TMPRSS15: variants seen among roughly 807,000 people sequenced by gnomAD.
TMPRSS15 encodes transmembrane serine protease 15.
A neutral mutation model predicts 125.3 loss-of-function variants in TMPRSS15; 128 were observed. The observed-to-expected ratio is 1.02, with a 90% CI of 0.89 to 1.18. TMPRSS15 has a LOEUF of 1.18. Ranked by LOEUF, TMPRSS15 falls within the 50% of genes most tolerant of loss-of-function variation. TMPRSS15 has a pLI of 0.00. For missense variants in TMPRSS15, 1,283 were observed against 1,212.7 expected (o/e 1.06, Z -0.86); for synonymous variants, 446 against 423.2 (o/e 1.05, Z -0.66).
At chr21:18,396,845 T>TCTATCTATCTAA (rs1475160532) in intron 3 of TMPRSS15, among the ~76,000 whole-genome samples, 1 of 147,136 alleles carries the variant, frequency 6.8e-6, no homozygotes, top group Non-Finnish European at 1.5e-5. Flanking sequence ...TATCTATCTA[T>TCTATCTATCTAA]CTATCTTAAG....
At chr21:18,385,845 G>A (rs2075939195) in intron 3 of TMPRSS15, among the ~76,000 whole-genome samples, 1 of 152,044 alleles carries the variant, frequency 6.6e-6, no homozygotes, top group African/African-American at 2.4e-5. Context: ...CCGGGTTCAA[G>A]CAATTCTCCT....
intron 18 of TMPRSS15, among the ~76,000 whole-genome samples, chr21:18,311,415 A>C (rs150751766): frequency 4.5e-4 from 69 of 152,322 alleles, no homozygotes; most frequent in African/African-American, 1.6e-3. Flanking sequence ...TTCCGACTTT[A>C]AAAATAGGCA....
chr21:18,287,604 A>G (rs1039647867), intron 21 of TMPRSS15, among the ~76,000 whole-genome samples: 8 of 152,178 alleles, frequency 5.3e-5, no homozygotes, highest in African/African-American at 1.9e-4. Flanking sequence ...TGCACTAATA[A>G]TTATAATGAG....
At chr21:18,372,476 G>T in intron 5 of TMPRSS15, 152 bp from the exon 6 acceptor site, 1 of 786,874 alleles carries the variant, frequency 1.3e-6, no homozygotes, top group Non-Finnish European at 2.0e-6. Flanking sequence ...TCAATCATTT[G>T]TAAAATTAGA....
intron 1 of TMPRSS15, among the ~76,000 whole-genome samples, chr21:18,471,725 G>A (rs1441897598): frequency 1.3e-5 from 2 of 152,068 alleles, no homozygotes; most frequent in African/African-American, 4.8e-5. Flanking sequence ...AATTCTGCAT[G>A]CCCATACCAT....
chr21:18,387,726 T>C (rs1350976368), intron 3 of TMPRSS15, among the ~76,000 whole-genome samples: 1 of 151,228 alleles, frequency 6.6e-6, no homozygotes, highest in East Asian at 1.9e-4. Context: ...TAAGAGAAAA[T>C]AGTTCAATGA....
chr21:18,452,121 G>A (rs1478172586), intron 1 of TMPRSS15, among the ~76,000 whole-genome samples: 9 of 152,100 alleles, frequency 5.9e-5, no homozygotes, highest in African/African-American at 2.2e-4. Flanking sequence ...GGAGATATTA[G>A]CTAGTGGCAG....
rs560034944 is a variant in TMPRSS15 at position 18,326,497 on chromosome 21, T to C, written c.1856A>G (p.Asn619Ser). Residue 619 changes from asparagine to serine, a missense_variant, in exon 16 of 25, where the codon AAC (asparagine) becomes AGC (serine). Asn to Ser is a conservative substitution (Grantham distance 46). Transcript: ENST00000284885. ...AAACCCTCCTCTTGCCAACACATCG[T>C]TAGTGATGAGAAGCACAGTCATTCT... The part of the protein sequence containing the change: ...TNRMTVLLIT[N>S]DVLARGGFKA... The C allele has an allele frequency of 6.2e-7, 1 of 1,614,158 alleles. No individual in the cohort carries two copies. The highest frequency in any genetic ancestry group is 1.3e-5 in the African/African-American group (1 of 75,064).
intron 1 of TMPRSS15, among the ~76,000 whole-genome samples, chr21:18,399,198 G>C (rs1430020700): frequency 2.0e-5 from 3 of 151,982 alleles, no homozygotes; most frequent in Non-Finnish European, 4.4e-5. Context: ...TTCTGAGATA[G>C]GGTAATTGGA....
At position 18,415,792 on chromosome 21, in the gene TMPRSS15, A is replaced by G. The variant is rs1345880847; in HGVS notation, c.11-17463T>C. 1.3e-5 allele frequency among the ~76,000 whole-genome samples: 2 copies of G among 152,092 alleles called. 1 individual carries two copies. The highest frequency in any genetic ancestry group is 2.9e-5 in the Non-Finnish European group (2 of 67,936). On this transcript the variant is annotated intron_variant, in intron 1 of 7. Transcript: ENST00000422787. ...TATTCTGTAAAGTCCTGGAAGTCTTAGCCAGAACCATTAGGTAAGAGAAAG... is the reference window on the plus strand; with the variant it reads ...TATTCTGTAAAGTCCTGGAAGTCTTGGCCAGAACCATTAGGTAAGAGAAAG...
chr21:18,293,948 C>T (rs758056525), intron 21 of TMPRSS15, among the ~76,000 whole-genome samples: 8 of 152,138 alleles, frequency 5.3e-5, no homozygotes, highest in Non-Finnish European at 1.2e-4. Flanking sequence ...ACAATAAATA[C>T]TAATTTCACG....
At chr21:18,472,343 AT>A (rs1425052640) in intron 1 of TMPRSS15, among the ~76,000 whole-genome samples, 1 of 151,776 alleles carries the variant, frequency 6.6e-6, no homozygotes. Flanking sequence ...TGTTCTAAAA[AT>A]GAACTTCTCC....
chr21:18,423,114 T>C (rs1022165299), intron 1 of TMPRSS15, among the ~76,000 whole-genome samples: 13 of 152,166 alleles, frequency 8.5e-5, no homozygotes, highest in Non-Finnish European at 1.3e-4. Flanking sequence ...TTACGAATGA[T>C]AAGAAAAGCA....
chr21:18,466,497 A>G (rs1978663728), intron 1 of TMPRSS15, among the ~76,000 whole-genome samples: 1 of 152,152 alleles, frequency 6.6e-6, no homozygotes, highest in South Asian at 2.1e-4. Context: ...ATGGGAGAAA[A>G]TTTTTGCAAT....
At chr21:18,452,191 C>T (rs1978350136) in intron 1 of TMPRSS15, among the ~76,000 whole-genome samples, 1 of 151,940 alleles carries the variant, frequency 6.6e-6, no homozygotes, top group Non-Finnish European at 1.5e-5. Context: ...ATGTTAGTAA[C>T]ATATTTAAGG....
In TMPRSS15 at chr21:18,315,092, G is replaced by A. The variant is rs28605207; in HGVS notation, c.2032+54C>T. ...TATAATCTTTCTTTGACACTGTAGA[G>A]TCCAAATGCAGAGGCTAAAGTCATA... On this transcript the variant is annotated intron_variant, in intron 17 of 24. Coordinates refer to ENST00000284885, the MANE Select transcript of TMPRSS15 (RefSeq NM_002772.3). 4.8e-3 allele frequency: 6,645 copies of A among 1,374,970 alleles called. 171 individuals carry two copies. The African/African-American group carries it at 0.067, about 14-fold the overall frequency. 85.2% of individuals were successfully genotyped at this position (1,374,970 alleles called of 1,614,324 possible).
upstream of TMPRSS15, among the ~76,000 whole-genome samples, chr21:18,404,152 C>CAT: frequency 6.6e-6 from 1 of 152,294 alleles, no homozygotes; most frequent in South Asian, 2.1e-4. Flanking sequence ...TAAAGCCTAA[C>CAT]ATATATATAC....
intron 16 of TMPRSS15, among the ~76,000 whole-genome samples, chr21:18,326,217 G>A (rs1022768234): frequency 6.6e-6 from 1 of 152,090 alleles, no homozygotes; most frequent in African/African-American, 2.4e-5. Context: ...ATCCAAGTAG[G>A]TCTGCTTAAA....
At chr21:18,374,089 A>G (rs1239755024) in intron 5 of TMPRSS15, among the ~76,000 whole-genome samples, 1 of 152,236 alleles carries the variant, frequency 6.6e-6, no homozygotes, top group Non-Finnish European at 1.5e-5. Flanking sequence ...ACATTTTTAC[A>G]GAAATGGTCA....
Sources: gnomAD v4.1 joint callset for allele counts (sites outside exome capture counted in the v4.1 genomes callset) on GRCh38, gnomAD v4.1.1 for gene constraint, MANE v1.5 for transcripts, NCBI Gene and HGNC (gene_info 2026-07-23, HGNC 2026-07-21) for gene names.